Variants in NMB observed in about 807,000 individuals in gnomAD.
NMB encodes neuromedin B, also known as neuromedin-B.
In NMB, 12 loss-of-function variants were observed where a neutral mutation model predicts 11.7. That is an observed-to-expected ratio of 1.03 (90% CI 0.66 to 1.66). The LOEUF (loss-of-function observed/expected upper bound fraction) is 1.66, where lower values mean the gene tolerates loss of function less well. Ranked by LOEUF, NMB falls within the 40% of genes most tolerant of loss-of-function variation. The pLI is 0.00. For synonymous variants in NMB, 76 were observed against 72.6 expected, an observed-to-expected ratio of 1.05 and a Z score of -0.24; for missense variants, 174 against 157.9, an observed-to-expected ratio of 1.10 and a Z score of -0.55.
chr15:84,657,484 C>A, intron 1 of NMB, 136 bp from the exon 2 acceptor site: 1 of 833,060 alleles, frequency 1.2e-6, no homozygotes, highest in Non-Finnish European at 1.7e-6. Context: ...GTGCTTCCAC[C>A]TCACCAAGGA....
In NMB at chr15:84,657,271, C is replaced by G; in HGVS notation, c.235G>C (p.Asp79His). Residue 79 changes from aspartate to histidine, a missense_variant, in exon 2 of 3, where the codon GAC becomes CAC. Coordinates refer to ENST00000360476, the MANE Select transcript of NMB (RefSeq NM_021077.4). ...LGTAPHTSLR[D>H]QRLQLSHDLL... Reference sequence around the variant, plus strand: ...TCATGACTCAGCTGCAGTCGCTGGTCCCTCAGGGAGGTGTGGGGAGCTGTC... The same window carrying G: ...TCATGACTCAGCTGCAGTCGCTGGTGCCTCAGGGAGGTGTGGGGAGCTGTC... 2.5e-6 allele frequency: 4 copies of G among 1,607,000 alleles called. No individual in the cohort carries two copies. Among genetic ancestry groups the G allele is most frequent in the Non-Finnish European group, 3.4e-6 (4 of 1,176,862 alleles).
At chr15:84,657,391 G>T in intron 1 of NMB, 43 bp from the exon 2 acceptor site, 1 of 1,427,886 alleles carries the variant, frequency 7.0e-7, no homozygotes, top group Non-Finnish European at 9.2e-7. Context: ...AAGCAGCCAG[G>T]ATCCTACCTC....
rs371781161 is a variant in NMB at position 84,658,146 on chromosome 15, G to A, written c.7C>T (p.Arg3Trp). The A allele has an allele frequency of 1.3e-6, 2 of 1,484,628 alleles. No homozygotes were observed. The highest frequency in any genetic ancestry group is 2.8e-5 in the East Asian group (1 of 35,122). 92.0% of individuals were successfully genotyped at this position (1,484,628 alleles called of 1,614,324 possible). Reference sequence around the variant, plus strand: ...AACATCCGAGCGCCCCCCGCCCGCCGGGCCATGGCTGTGCCCGGGCCGCGG... The same window carrying A: ...AACATCCGAGCGCCCCCCGCCCGCCAGGCCATGGCTGTGCCCGGGCCGCGG... Reference protein sequence around the residue: MARRAGGARMFGS... With the variant: MAWRAGGARMFGS... Residue 3 changes from arginine (R) to tryptophan (W), a missense_variant, in exon 1 of 3, where the codon CGG (arginine) becomes TGG (tryptophan). By Grantham distance (101) the Arg-to-Trp change is moderately radical. Around this residue, in one of 2 missense-constraint regions of NMB, gnomAD observed 168 missense variants for 138.4 expected, o/e 1.21. Coordinates refer to ENST00000360476, the MANE Select transcript of NMB (RefSeq NM_021077.4).
At position 84,658,011 on chromosome 15, in the gene NMB, T is replaced by G. The variant is rs1353951825; in HGVS notation, c.142A>C (p.Asn48His). 1 of 1,596,818 alleles carries G rather than the reference T, an allele frequency of 6.3e-7. No individual in the cohort carries two copies. The highest frequency in any genetic ancestry group is 8.5e-7 in the Non-Finnish European group (1 of 1,172,684). The part of the protein sequence containing the change: ...ASKIRVHSRG[N>H]LWATGHFMGK... ...AAAGACTTACCGGTGGCCCAGAGGT[T>G]GCCTCGCGAGTGCACTCGGATCTTG... The change falls in exon 1 of 3, where the codon AAC becomes CAC. Residue 48 changes from asparagine to histidine, a missense_variant. Physicochemically the swap from Asn to His is moderately conservative, Grantham distance 68. Coordinates refer to ENST00000360476, the MANE Select transcript of NMB (RefSeq NM_021077.4).
intron 2 of NMB, among the ~76,000 whole-genome samples, chr15:84,655,680 G>A (rs894563042): frequency 8.5e-5 from 13 of 152,190 alleles, no homozygotes; most frequent in South Asian, 2.1e-4. Context: ...GCTAGTGTCA[G>A]CGTCCTCACT....
At position 84,658,087 on chromosome 15, in the gene NMB, G is replaced by A. The variant is rs776995611; in HGVS notation, c.66C>T (p.Ala22=). The part of the protein sequence containing the change: ...GSLLLFALLA[A]GVAPLSWDLP... Reference sequence around the variant, plus strand: ...GATCCCAGCTGAGCGGGGCGACGCCGGCAGCGAGCAGGGCGAAGAGCAGGA... The same window carrying A: ...GATCCCAGCTGAGCGGGGCGACGCCAGCAGCGAGCAGGGCGAAGAGCAGGA... Residue 22 remains alanine, a synonymous_variant, in exon 1 of 3, where the codon GCC becomes GCT. Transcript: ENST00000360476. 9.5e-6 allele frequency: 15 copies of A among 1,582,562 alleles called. No homozygotes were observed. In the South Asian group the frequency reaches 1.3e-4, roughly 14 times the overall value.
Position 84,658,029 on chromosome 15 carries a change from G to T in NMB, c.124C>A (p.Arg42=). The change falls in exon 1 of 3, where the codon CGA becomes AGA. Residue 42 remains arginine (R), a synonymous_variant. Coordinates refer to ENST00000360476, the MANE Select transcript of NMB (RefSeq NM_021077.4). ...PEPRSRASKI[R]VHSRGNLWAT... is the part of the protein sequence containing the mutation. Reference sequence around the variant, plus strand: ...CAGAGGTTGCCTCGCGAGTGCACTCGGATCTTGCTGGCTCGGCTGCGGGGC... The same window carrying T: ...CAGAGGTTGCCTCGCGAGTGCACTCTGATCTTGCTGGCTCGGCTGCGGGGC... The T allele has an allele frequency of 6.3e-7, 1 of 1,597,744 alleles. No individual in the cohort carries two copies.
chr15:84,657,264 C>A lies in NMB; in HGVS notation c.242G>T (p.Arg81Leu), dbSNP rs751164253. Reference sequence around the variant, plus strand: ...GAGCAGATCATGACTCAGCTGCAGTCGCTGGTCCCTCAGGGAGGTGTGGGG... The same window carrying A: ...GAGCAGATCATGACTCAGCTGCAGTAGCTGGTCCCTCAGGGAGGTGTGGGG... ...TAPHTSLRDQ[R>L]LQLSHDLLGI... Residue 81 changes from arginine to leucine, a missense_variant, in exon 2 of 3, where the codon CGA becomes CTA. This residue lies in a region of NMB where 168 missense variants were observed against 138.4 expected (regional missense o/e 1.21). Transcript: ENST00000360476. 1.2e-6 allele frequency: 2 copies of A among 1,608,386 alleles called. No individual in the cohort carries two copies. The highest frequency in any genetic ancestry group is 2.7e-5 in the African/African-American group (2 of 74,876).
rs375604436 is a variant in NMB at position 84,658,110 on chromosome 15, G to T, written c.43C>A (p.Leu15Met). 110 of 1,555,906 alleles carry T rather than the reference G, an allele frequency of 7.1e-5. No individual in the cohort carries two copies. The Admixed American group carries it at 1.2e-3, about 17-fold the overall frequency. ...CCGGCAGCGAGCAGGGCGAAGAGCA[G>T]GAGGCTGCCGAACATCCGAGCGCCC... ...AGGARMFGSL[L>M]LFALLAAGVA... Residue 15 changes from leucine (L) to methionine (M), a missense_variant, in exon 1 of 3, where the codon CTG (leucine) becomes ATG (methionine). Transcript: ENST00000360476.
Position 84,658,092 on chromosome 15 carries a change from C to G in NMB, c.61G>C (p.Ala21Pro), listed in dbSNP as rs1315225294. 1.3e-6 allele frequency: 2 copies of G among 1,577,966 alleles called. No homozygotes were observed. The highest frequency in any genetic ancestry group is 3.5e-5 in the Admixed American group (2 of 56,910). The change falls in exon 1 of 3, where the codon GCT (alanine) becomes CCT (proline). Residue 21 changes from alanine to proline, a missense_variant. Ala to Pro is a conservative substitution (Grantham distance 27). Coordinates refer to ENST00000360476, the MANE Select transcript of NMB (RefSeq NM_021077.4). ...FGSLLLFALL[A>P]AGVAPLSWDL... is the part of the protein sequence containing the mutation. ...CAGCTGAGCGGGGCGACGCCGGCAG[C>G]GAGCAGGGCGAAGAGCAGGAGGCTG...
chr15:84,656,918 CAG>C (rs1389477888), intron 2 of NMB, among the ~76,000 whole-genome samples: 1 of 152,162 alleles, frequency 6.6e-6, no homozygotes, highest in East Asian at 1.9e-4. Context: ...GGTGATGAGT[CAG>C]GGGAACTTCT....
Position 84,657,206 on chromosome 15 carries a change from C to T in NMB, c.300G>A (p.Val100=). 1 of 1,612,280 alleles carries T rather than the reference C, an allele frequency of 6.2e-7. No homozygotes were observed. The highest frequency in any genetic ancestry group is 8.5e-7 in the Non-Finnish European group (1 of 1,179,462). ...TTTGGGGTGCGGGGCGGCTGAGGCT[C>T]ACGCCCAGAGCCTTCTTTAGCAGGA... The part of the protein sequence containing the change: ...GILLLKKALG[V]SLSRPAPQIQ... The change falls in exon 2 of 3, where the codon GTG becomes GTA. Residue 100 remains valine, a synonymous_variant. Transcript: ENST00000360476.
intron 2 of NMB, 124 bp from the exon 3 acceptor site, chr15:84,655,533 A>G: frequency 8.0e-7 from 1 of 1,245,464 alleles, no homozygotes; most frequent in Non-Finnish European, 1.2e-6. Flanking sequence ...CAGCTGAGGC[A>G]GGCCCCAGAG....
At chr15:84,657,588 G>GTTTC (rs1896801236) in intron 1 of NMB, among the ~76,000 whole-genome samples, 1 of 152,198 alleles carries the variant, frequency 6.6e-6, no homozygotes, top group Non-Finnish European at 1.5e-5. Flanking sequence ...AGGTGGGATG[G>GTTTC]TCCAGGGCCA....
intron 1 of NMB, 50 bp downstream of exon 1, chr15:84,657,946 G>A (rs1310510467): frequency 1.2e-5 from 18 of 1,552,324 alleles, no homozygotes; most frequent in Non-Finnish European, 1.6e-5. Context: ...AAGGAAATGG[G>A]GTCTGAACTG....
intron 2 of NMB, 126 bp downstream of exon 2, chr15:84,657,050 A>C: frequency 1.2e-6 from 1 of 841,112 alleles, no homozygotes; most frequent in Non-Finnish European, 1.7e-6. Flanking sequence ...TCTGGGGTCC[A>C]CACCCATAAT....
At position 84,658,078 on chromosome 15, in the gene NMB, G is replaced by C; in HGVS notation, c.75C>G (p.Ala25=). 6.3e-7 allele frequency: 1 copy of C among 1,582,728 alleles called. No homozygotes were observed. Among genetic ancestry groups the C allele is most frequent in the Non-Finnish European group, 8.6e-7 (1 of 1,169,066 alleles). The change falls in exon 1 of 3, where the codon GCC becomes GCG. Residue 25 remains alanine, a synonymous_variant. Transcript: ENST00000360476. ...GCTCCGGGAGATCCCAGCTGAGCGG[G>C]GCGACGCCGGCAGCGAGCAGGGCGA... The part of the protein sequence containing the change: ...LLFALLAAGV[A]PLSWDLPEPR...
At chr15:84,656,274 C>G (rs1896781812) in intron 2 of NMB, among the ~76,000 whole-genome samples, 1 of 152,092 alleles carries the variant, frequency 6.6e-6, no homozygotes, top group Admixed American at 6.6e-5. Context: ...ATCACACTGC[C>G]TTCTGCACAC....
Position 84,655,332 on chromosome 15 carries a change from C to A in NMB, c.*42G>T. On this transcript the variant is annotated 3_prime_UTR_variant, in exon 3 of 3. Transcript: ENST00000360476. ...CCATTCAGCACCTTCCCTGGGTGGG[C>A]ACAATCTAAGCCACGCTGTTGTGTC... 6.2e-7 allele frequency: 1 copy of A among 1,614,128 alleles called. No individual in the cohort carries two copies. Among genetic ancestry groups the A allele is most frequent in the Non-Finnish European group, 8.5e-7 (1 of 1,179,988 alleles).
Sources: allele counts gnomAD v4.1 joint callset (sites outside exome capture counted in the v4.1 genomes callset), GRCh38; gene constraint gnomAD v4.1.1; regional missense constraint gnomAD v4.1.1; transcripts MANE v1.5; gene names NCBI Gene and HGNC (gene_info 2026-07-23, HGNC 2026-07-21).